LAMC1: variants seen among roughly 807,000 people sequenced by gnomAD.
The protein encoded by LAMC1 is laminin subunit gamma-1.
A neutral mutation model predicts 173.6 loss-of-function variants in LAMC1; 38 were observed. The ratio of observed to expected loss-of-function variants is 0.22; its 90% CI spans 0.17 to 0.29. The LOEUF (loss-of-function observed/expected upper bound fraction) is 0.29, where lower values mean the gene tolerates loss of function less well. Among genes scored for constraint, LAMC1 ranks in the 10% least tolerant of loss-of-function variants. The probability of loss-of-function intolerance (pLI) is 1.00; values close to 1 mark genes in which losing one functional copy is unlikely to be tolerated. For synonymous variants in LAMC1, 746 were observed against 749.1 expected, an observed-to-expected ratio of 1.00 and a Z score of 0.07; for missense variants, 1,824 against 2,051.8, an observed-to-expected ratio of 0.89 and a Z score of 2.14.
At chr1:183,129,846 G>A (rs1247247028) in intron 18 of LAMC1, among the ~76,000 whole-genome samples, 5 of 152,140 alleles carry the variant, frequency 3.3e-5, no homozygotes, top group Non-Finnish European at 4.4e-5. Flanking sequence ...GCACATGGGG[G>A]TGGCAAAAGA....
chr1:183,102,035 G>A (rs1005764005), intron 1 of LAMC1, among the ~76,000 whole-genome samples: 12 of 152,140 alleles, frequency 7.9e-5, no homozygotes, highest in African/African-American at 2.9e-4. Flanking sequence ...GCAGGACAGC[G>A]GCAGGCCCCA....
chr1:183,094,776 G>A (rs2102062344), intron 1 of LAMC1, among the ~76,000 whole-genome samples: 1 of 152,322 alleles, frequency 6.6e-6, no homozygotes, highest in East Asian at 1.9e-4. Flanking sequence ...AGGGGAATTA[G>A]GGACCAAGTT....
chr1:183,137,869 C>G (rs562496368), intron 26 of LAMC1, 42 bp downstream of exon 26: 2 of 1,522,526 alleles, frequency 1.3e-6, no homozygotes, highest in African/African-American at 2.8e-5. Flanking sequence ...AGAAAGTGAA[C>G]AGTGTTTAAT....
Position 183,135,123 on chromosome 1 carries a change from C to A in LAMC1, c.4081C>A (p.Gln1361Lys). ...TGCAAAGAAGGGACGGGATACCTTA[C>A]AAGAAGCTAATGACATTCTCAACAA... The part of the protein sequence containing the change: ...EAAKKGRDTL[Q>K]EANDILNNLK... The change falls in exon 24 of 28, where the codon CAA becomes AAA. Residue 1361 changes from glutamine (Q) to lysine (K), a missense_variant. Transcript: ENST00000258341. 1 of 1,613,712 alleles carries A rather than the reference C, an allele frequency of 6.2e-7. No homozygotes were observed.
chr1:183,129,082 C>CTTTTTTTTTTTTTTTTTTTTTTTT (rs201079710), intron 18 of LAMC1, among the ~76,000 whole-genome samples: 1 of 110,016 alleles, frequency 9.1e-6, no homozygotes. Context: ...TCTTCATAAG[C>CTTTTTTTTTTTTTTTTTTTTTTTT]TTTTTTTTTT....
At chr1:183,030,781 A>G (rs1340968281) in intron 1 of LAMC1, among the ~76,000 whole-genome samples, 2 of 152,196 alleles carry the variant, frequency 1.3e-5, no homozygotes, top group African/African-American at 2.4e-5. Context: ...ACATGTGAAT[A>G]TGTATTTCTG....
chr1:183,045,483 G>GA (rs981569367), intron 1 of LAMC1, among the ~76,000 whole-genome samples: 6 of 151,682 alleles, frequency 4.0e-5, no homozygotes, highest in Non-Finnish European at 7.4e-5. Context: ...CTTGCCAATT[G>GA]AAAAAAAAGT....
chr1:183,116,768 T>C lies in LAMC1; in HGVS notation c.1429T>C (p.Cys477Arg). 1 of 1,614,062 alleles carries C rather than the reference T, an allele frequency of 6.2e-7. No homozygotes were observed. Among genetic ancestry groups the C allele is most frequent in the Non-Finnish European group, 8.5e-7 (1 of 1,179,972 alleles). Residue 477 changes from cysteine (C) to arginine (R), a missense_variant and splice_region_variant, in exon 8 of 28, where the codon TGC (cysteine) becomes CGC (arginine). Transcript: ENST00000258341. ...DNVEGFNCER[C>R]KPGFFNLESS... is the part of the protein sequence containing the mutation. Reference sequence around the variant, plus strand: ...TGATTGTGTCTTAATCTTTTTCAGATGCAAACCTGGATTTTTTAATCTGGA... The same window carrying C: ...TGATTGTGTCTTAATCTTTTTCAGACGCAAACCTGGATTTTTTAATCTGGA...
intron 1 of LAMC1, among the ~76,000 whole-genome samples, chr1:183,032,267 T>C (rs1653867279): frequency 6.6e-6 from 1 of 152,206 alleles, no homozygotes; most frequent in African/African-American, 2.4e-5. Flanking sequence ...CCCTCAGATC[T>C]CTTGTGGGAG....
intron 18 of LAMC1, 32 bp from the exon 19 acceptor site, chr1:183,130,312 A>C (rs1217941472): frequency 1.3e-6 from 2 of 1,557,276 alleles, no homozygotes; most frequent in Non-Finnish European, 8.9e-7. Context: ...TCTTCAGATA[A>C]TTTACAGACT....
intron 1 of LAMC1, among the ~76,000 whole-genome samples, chr1:183,048,782 C>G (rs1012089812): frequency 1.3e-5 from 2 of 152,152 alleles, no homozygotes. Context: ...AAAATCTTCA[C>G]TTTACAGCAC....
At chr1:183,099,499 C>T (rs1655780313) in intron 1 of LAMC1, among the ~76,000 whole-genome samples, 1 of 152,148 alleles carries the variant, frequency 6.6e-6, no homozygotes, top group African/African-American at 2.4e-5. Flanking sequence ...TCTTACTTGA[C>T]TCTCCTAGCA....
intron 1 of LAMC1, among the ~76,000 whole-genome samples, chr1:183,100,021 C>T (rs1655792375): frequency 6.6e-6 from 1 of 152,150 alleles, no homozygotes; most frequent in African/African-American, 2.4e-5. Flanking sequence ...TTAATCCTTC[C>T]ACCTCATGGA....
In LAMC1 at chr1:183,027,398, C is replaced by T. The variant is rs1571395863; in HGVS notation, c.418+3264C>T. Among the ~76,000 whole-genome samples the T allele has an allele frequency of 2.0e-5, 3 of 152,100 alleles. No individual in the cohort carries two copies. In the East Asian group the frequency reaches 5.8e-4, roughly 29 times the overall value. On this transcript the variant is annotated intron_variant, in intron 1 of 27. Transcript: ENST00000258341. ...CTTATAAGTTATAGTAAGTTTTTAT[C>T]AGTACCAGTGGGGTAGTAGTTGATA...
intron 1 of LAMC1, among the ~76,000 whole-genome samples, chr1:183,036,725 A>G (rs1653994508): frequency 6.6e-6 from 1 of 151,904 alleles, no homozygotes; most frequent in Admixed American, 6.6e-5. Flanking sequence ...TCTGTAAAAA[A>G]CACATTACGC....
chr1:183,067,577 C>T lies in LAMC1; in HGVS notation c.419-35751C>T, dbSNP rs559540101. Among the ~76,000 whole-genome samples the T allele has an allele frequency of 1.7e-3, 255 of 152,248 alleles. 3 individuals are homozygous for T. Among genetic ancestry groups the T allele is most frequent in the African/African-American group, 5.1e-3 (210 of 41,556 alleles). On this transcript the variant is annotated intron_variant, in intron 1 of 27. Coordinates refer to ENST00000258341, the MANE Select transcript of LAMC1 (RefSeq NM_002293.4). ...GATCTTGGCTCACTGCAACCTCTGC[C>T]TCCCAGGTTCAAGTAATTCTCCTGC...
intron 3 of LAMC1, 94 bp from the exon 4 acceptor site, chr1:183,110,394 G>A (rs911653335): frequency 1.5e-5 from 15 of 971,364 alleles, no homozygotes; most frequent in Non-Finnish European, 2.2e-5. Context: ...CTTTTGAATG[G>A]TAAAACTTAC....
Position 183,129,430 on chromosome 1 carries a change from C to T in LAMC1, c.3280+680C>T, listed in dbSNP as rs556082992. ...TCAAATAATTGAGTAACCTTCCAAG[C>T]AGGACCACCATATATAGTTAGGCAA... On this transcript the variant is annotated intron_variant, in intron 18 of 27. Coordinates refer to ENST00000258341, the MANE Select transcript of LAMC1 (RefSeq NM_002293.4). Among the ~76,000 whole-genome samples the T allele has an allele frequency of 9.9e-5, 15 of 152,214 alleles. No homozygotes were observed. The South Asian group carries it at 2.9e-3, about 29-fold the overall frequency.
intron 1 of LAMC1, among the ~76,000 whole-genome samples, chr1:183,048,633 C>T (rs954050747): frequency 5.9e-5 from 9 of 152,156 alleles, no homozygotes; most frequent in Admixed American, 5.9e-4. Context: ...GAGCTACACA[C>T]ATGTACACCA....
Sources: allele counts gnomAD v4.1 joint callset (sites outside exome capture counted in the v4.1 genomes callset), GRCh38; gene constraint gnomAD v4.1.1; transcripts MANE v1.5; gene names NCBI Gene and HGNC (gene_info 2026-07-23, HGNC 2026-07-21).